Variants in TMC1 observed in about 807,000 individuals in gnomAD.
TMC1 encodes transmembrane channel like 1, also known as transmembrane channel-like protein 1.
In TMC1, 84 loss-of-function variants were observed where a neutral mutation model predicts 105.8. That is an observed-to-expected ratio of 0.79 (90% CI 0.67 to 0.95). TMC1 has a LOEUF of 0.95. Ranked by LOEUF, TMC1 falls within the 40% of genes least tolerant of loss-of-function variation. The pLI, the probability that TMC1 is intolerant of heterozygous loss-of-function variation, is 0.00. For synonymous variants in TMC1, 315 were observed against 311.5 expected (o/e 1.01, Z -0.12); for missense variants, 817 against 914.1 (o/e 0.89, Z 1.37).
intron 20 of TMC1, among the ~76,000 whole-genome samples, chr9:72,821,767 G>A (rs1221576448): frequency 6.6e-6 from 1 of 152,146 alleles, no homozygotes; most frequent in Non-Finnish European, 1.5e-5. Flanking sequence ...ATCCAGACGT[G>A]GTCAGCTATC....
intron 4 of TMC1, among the ~76,000 whole-genome samples, chr9:72,635,068 C>A (rs1292167769): frequency 6.6e-6 from 1 of 151,984 alleles, no homozygotes; most frequent in Non-Finnish European, 1.5e-5. Flanking sequence ...ACCAGCCTGG[C>A]CAATGTGGCG....
chr9:72,697,417 G>A (rs1826569054), intron 7 of TMC1, among the ~76,000 whole-genome samples: 1 of 152,122 alleles, frequency 6.6e-6, no homozygotes. Flanking sequence ...GAAAGTATAT[G>A]TGTCCCAGAG....
chr9:72,821,428 G>A (rs775835867), intron 20 of TMC1, among the ~76,000 whole-genome samples: 2 of 151,924 alleles, frequency 1.3e-5, no homozygotes, highest in Non-Finnish European at 2.9e-5. Context: ...CTTGAGCTCA[G>A]GAGGCGGAGG....
chr9:72,572,793 C>T (rs1432677934), intron 1 of TMC1, among the ~76,000 whole-genome samples: 1 of 152,020 alleles, frequency 6.6e-6, no homozygotes. Context: ...GAGTTTGAGA[C>T]CAGCCTGGCC....
chr9:72,661,321 T>A (rs947087427), intron 5 of TMC1, among the ~76,000 whole-genome samples: 21 of 152,220 alleles, frequency 1.4e-4, no homozygotes, highest in African/African-American at 4.6e-4. Context: ...CATGTGGCAT[T>A]TATACTTCTC....
chr9:72,681,426 A>G (rs1376045187), intron 5 of TMC1, among the ~76,000 whole-genome samples: 1 of 152,086 alleles, frequency 6.6e-6, no homozygotes, highest in Admixed American at 6.6e-5. Flanking sequence ...TCCAAACCAC[A>G]TAGAGTAAGA....
At chr9:72,595,296 A>G (rs1435685720) in intron 2 of TMC1, among the ~76,000 whole-genome samples, 1 of 152,146 alleles carries the variant, frequency 6.6e-6, no homozygotes, top group Non-Finnish European at 1.5e-5. Context: ...GTGTATGGCT[A>G]CTTCATAGAC....
rs778145195 is a variant in TMC1, at chr9:72,561,248, G to A, written c.-427-16654G>A. On this transcript the variant is annotated intron_variant, in intron 1 of 23. Transcript: ENST00000297784. The stretch of plus-strand genomic sequence containing the variant: ...AGGCAGAATGGCGTGAACCCGGGAG[G>A]CACAGCTTGCAGTGAGCCGAGATCG... Among the ~76,000 whole-genome samples, 4 of 144,146 alleles carry A rather than the reference G, an allele frequency of 2.8e-5. No individual in the cohort carries two copies. The South Asian group carries it at 6.4e-4, about 23-fold the overall frequency. The allele number at this position is 144,146 out of a possible 152,430, so 94.6% of individuals were successfully genotyped here.
chr9:72,835,887 C>G lies in TMC1; in HGVS notation c.2261-64C>G, dbSNP rs1322679313. On this transcript the variant is annotated intron_variant, in intron 23 of 23. Coordinates refer to ENST00000297784, the MANE Select transcript of TMC1 (RefSeq NM_138691.3). Reference sequence around the variant, plus strand: ...CTGAAAGCTACGTTTTTATTTGCCTCCTGTTCATCTTCTCTCTCTCTCTCC... The same window carrying G: ...CTGAAAGCTACGTTTTTATTTGCCTGCTGTTCATCTTCTCTCTCTCTCTCC... The G allele has an allele frequency of 6.4e-6, 10 of 1,563,396 alleles. No individual in the cohort carries two copies. The Admixed American group carries it at 1.4e-4, about 22-fold the overall frequency.
At chr9:72,795,925 C>T (rs905479645) in intron 17 of TMC1, among the ~76,000 whole-genome samples, 2 of 151,610 alleles carry the variant, frequency 1.3e-5, no homozygotes, top group Non-Finnish European at 2.9e-5. Context: ...CTTAATAACA[C>T]CCACACGCTA....
At chr9:72,810,449 A>G (rs1828683204) in intron 18 of TMC1, among the ~76,000 whole-genome samples, 2 of 152,236 alleles carry the variant, frequency 1.3e-5, no homozygotes, top group South Asian at 2.1e-4. Context: ...GGAAAATATA[A>G]CAAAGCTAAT....
chr9:72,795,500 T>G (rs1214647925), intron 17 of TMC1, among the ~76,000 whole-genome samples: 1 of 152,140 alleles, frequency 6.6e-6, no homozygotes, highest in Non-Finnish European at 1.5e-5. Flanking sequence ...TTCAACATTC[T>G]TAAAGAAAAA....
At chr9:72,748,625 C>G (rs1433230952) in intron 10 of TMC1, among the ~76,000 whole-genome samples, 2 of 152,076 alleles carry the variant, frequency 1.3e-5, no homozygotes, top group Non-Finnish European at 2.9e-5. Flanking sequence ...TCACACTAAT[C>G]AGGCATTTCT....
chr9:72,794,466 G>A (rs536987561), intron 17 of TMC1, among the ~76,000 whole-genome samples: 2 of 152,232 alleles, frequency 1.3e-5, no homozygotes, highest in African/African-American at 2.4e-5. Context: ...CCAATATGCC[G>A]AAGTGCCACC....
intron 11 of TMC1, 59 bp from the exon 12 acceptor site, chr9:72,754,727 C>A: frequency 1.5e-6 from 2 of 1,323,288 alleles, no homozygotes; most frequent in Non-Finnish European, 2.2e-6. Flanking sequence ...TTTGTGATCA[C>A]ATGTGTGGCT....
chr9:72,538,335 A>G (rs1402018728), intron 1 of TMC1, among the ~76,000 whole-genome samples: 1 of 152,168 alleles, frequency 6.6e-6, no homozygotes, highest in Non-Finnish European at 1.5e-5. Context: ...TTCCTCCACA[A>G]GAGACAACAT....
intron 2 of TMC1, among the ~76,000 whole-genome samples, chr9:72,581,798 C>G (rs1824479164): frequency 6.6e-6 from 1 of 152,122 alleles, no homozygotes; most frequent in South Asian, 2.1e-4. Flanking sequence ...GTGAACACTT[C>G]ACATTTTACA....
At chr9:72,726,209 A>G (rs72733046) in intron 8 of TMC1, among the ~76,000 whole-genome samples, 11,973 of 152,244 alleles carry the variant, frequency 0.079, 628 homozygotes, top group Non-Finnish European at 0.12. Context: ...AATGGTATGA[A>G]TCACTTATTT....
Position 72,772,428 on chromosome 9 carries a change from T to C in TMC1, c.757T>C (p.Ser253Pro), listed in dbSNP as rs1397983606. The C allele has an allele frequency of 6.2e-7, 1 of 1,613,816 alleles. No homozygotes were observed. Among genetic ancestry groups the C allele is most frequent in the East Asian group, 2.2e-5 (1 of 44,878 alleles). ...LYDFNGLAQY[S>P]VLFYGYYDNK... ...TGGATTTCAGGGTTTGGCACAATAT[T>C]CCGTTCTCTTTTATGGCTATTATGA... The change falls in exon 13 of 24, where the codon TCC becomes CCC. Residue 253 changes from serine to proline, a missense_variant. By Grantham distance (74) the Ser-to-Pro change is moderately conservative. Coordinates refer to ENST00000297784, the MANE Select transcript of TMC1 (RefSeq NM_138691.3).
Sources: allele counts gnomAD v4.1 joint callset (sites outside exome capture counted in the v4.1 genomes callset), GRCh38; gene constraint gnomAD v4.1.1; transcripts MANE v1.5; gene names NCBI Gene and HGNC (gene_info 2026-07-23, HGNC 2026-07-21).